The following COG5 variants were observed in gnomAD, a reference collection of about 807,000 sequenced individuals.
COG5 encodes conserved oligomeric Golgi complex subunit 5.
Under a neutral mutation model 110.4 loss-of-function variants are expected in COG5, and 86 were observed. That is an observed-to-expected ratio of 0.78 (90% CI 0.65 to 0.93). COG5 has a LOEUF of 0.93. Among genes scored for constraint, COG5 ranks in the 40% least tolerant of loss-of-function variants. COG5 has a pLI of 0.00. For synonymous variants in COG5, 360 were observed against 334.6 expected (o/e 1.08, Z -0.83); for missense variants, 1,077 against 987.0 (o/e 1.09, Z -1.22).
intron 16 of COG5, among the ~76,000 whole-genome samples, chr7:107,255,212 T>G (rs963615246): frequency 2.0e-5 from 3 of 152,178 alleles, no homozygotes; most frequent in African/African-American, 7.2e-5. Flanking sequence ...ACTTTAAGAT[T>G]TGTCATATTG....
Position 107,298,473 on chromosome 7 carries a change from C to A in COG5, c.1109-127G>T, listed in dbSNP as rs1239910276. 5 of 599,784 alleles carry A rather than the reference C, an allele frequency of 8.3e-6. No homozygotes were observed. The African/African-American group carries it at 9.2e-5, about 11-fold the overall frequency. The allele number at this position is 599,784 out of a possible 1,614,324, so 37.2% of individuals were successfully genotyped here. A position where few individuals can be genotyped will look rare whatever the true frequency, so the allele number is the denominator to read the frequency against. On this transcript the variant is annotated intron_variant, in intron 11 of 21. Transcript: ENST00000297135. ...AAACCAAAGACGTGTTCTAATGAGG[C>A]CTTTTATAATAATGCTAATAATAAT...
At chr7:107,229,592 T>C (rs1431605576) in intron 19 of COG5, among the ~76,000 whole-genome samples, 1 of 152,216 alleles carries the variant, frequency 6.6e-6, no homozygotes, top group African/African-American at 2.4e-5. Context: ...CTCAATGTTA[T>C]TCAACGTTCC....
intron 6 of COG5, among the ~76,000 whole-genome samples, chr7:107,492,168 AGTGTGTGTGTGTGTGTGTGTGTGT>A (rs61526384): frequency 1.4e-5 from 2 of 141,638 alleles, no homozygotes; most frequent in African/African-American, 5.2e-5. Context: ...AACAATGGGT[AGTGTGTGTGTGTGTGTGTGTGTGT>A]GTGTGTGTGT....
chr7:107,213,669 A>C (rs188121620), intron 19 of COG5, among the ~76,000 whole-genome samples: 10 of 152,362 alleles, frequency 6.6e-5, no homozygotes, highest in Admixed American at 2.0e-4. Context: ...GCAAAGGCAG[A>C]GACCCAGCCA....
intron 8 of COG5, among the ~76,000 whole-genome samples, chr7:107,369,384 CTTTTTT>C (rs567770114): frequency 0.013 from 1,294 of 103,216 alleles, 23 homozygotes; most frequent in African/African-American, 0.051. Context: ...AACAAAAATT[CTTTTTT>C]TTTTTTTTTT....
chr7:107,269,393 T>C (rs1240106842), intron 14 of COG5, among the ~76,000 whole-genome samples: 1 of 150,778 alleles, frequency 6.6e-6, no homozygotes, highest in Non-Finnish European at 1.5e-5. Context: ...GAGAATGGCA[T>C]GAACCTGGGA....
intron 6 of COG5, among the ~76,000 whole-genome samples, chr7:107,488,997 G>A (rs1276868003): frequency 6.6e-6 from 1 of 152,024 alleles, no homozygotes; most frequent in Admixed American, 6.6e-5. Context: ...ACCAAACATT[G>A]TGATTTTTCC....
At chr7:107,295,659 C>T (rs755576414) in intron 12 of COG5, among the ~76,000 whole-genome samples, 27 of 152,170 alleles carry the variant, frequency 1.8e-4, no homozygotes, top group Non-Finnish European at 3.5e-4. Flanking sequence ...TCGAATATGG[C>T]CTCCTATATC....
At chr7:107,379,166 A>G (rs1814887425) in intron 7 of COG5, among the ~76,000 whole-genome samples, 1 of 152,204 alleles carries the variant, frequency 6.6e-6, no homozygotes, top group African/African-American at 2.4e-5. Context: ...ATATCCAGCC[A>G]AACTAAGCTT....
At chr7:107,225,320 T>C (rs1800256876) in intron 19 of COG5, among the ~76,000 whole-genome samples, 1 of 152,086 alleles carries the variant, frequency 6.6e-6, no homozygotes. Context: ...TCCATGGTTA[T>C]TTTCAAATGG....
rs910974684 is a variant in COG5 at position 107,478,139 on chromosome 7, C to T, written c.538+49098G>A. On this transcript the variant is annotated intron_variant, in intron 6 of 21. Transcript: ENST00000297135. ...TAGTAGCCCTTAGTAGGGCTTATTC[C>T]GCATAGTATTTTAAATACCAACCAA... Among the ~76,000 whole-genome samples the T allele has an allele frequency of 5.3e-5, 8 of 151,904 alleles. No homozygotes were observed. In the South Asian group the frequency reaches 6.2e-4, roughly 12 times the overall value.
At chr7:107,546,110 A>T (rs1024574743) in intron 5 of COG5, among the ~76,000 whole-genome samples, 6 of 152,180 alleles carry the variant, frequency 3.9e-5, no homozygotes, top group African/African-American at 7.2e-5. Flanking sequence ...AAAATAAACA[A>T]CATGCTTATG....
chr7:107,269,218 G>A (rs1471009428), intron 14 of COG5, among the ~76,000 whole-genome samples: 2 of 152,138 alleles, frequency 1.3e-5, no homozygotes. Context: ...GCTCACGCCT[G>A]TAATCCCAGC....
At chr7:107,335,347 ACC>A in intron 10 of COG5, among the ~76,000 whole-genome samples, 1 of 152,106 alleles carries the variant, frequency 6.6e-6, no homozygotes, top group Non-Finnish European at 1.5e-5. Flanking sequence ...CTGACATCGC[ACC>A]ACTGCACTCC....
chr7:107,223,502 A>G (rs1458202774), intron 19 of COG5, among the ~76,000 whole-genome samples: 2 of 152,206 alleles, frequency 1.3e-5, no homozygotes, highest in Non-Finnish European at 2.9e-5. Context: ...GACATTCTCT[A>G]AGAATAAAAG....
At chr7:107,499,778 C>T (rs962404940) in intron 6 of COG5, among the ~76,000 whole-genome samples, 3 of 152,092 alleles carry the variant, frequency 2.0e-5, no homozygotes, top group East Asian at 1.9e-4. Context: ...TGCAAATAGG[C>T]GAATAGTGTA....
intron 16 of COG5, among the ~76,000 whole-genome samples, chr7:107,250,074 G>A (rs1184703391): frequency 6.6e-6 from 1 of 152,060 alleles, no homozygotes; most frequent in Non-Finnish European, 1.5e-5. Context: ...TTAAGCAATA[G>A]ACAAAATGTG....
At chr7:107,397,309 C>G (rs1791086709) in intron 7 of COG5, among the ~76,000 whole-genome samples, 1 of 152,230 alleles carries the variant, frequency 6.6e-6, no homozygotes, top group East Asian at 1.9e-4. Context: ...ATCTTGTGAC[C>G]ATGATGGGAC....
In COG5 at chr7:107,558,041, T is replaced by C. The variant is rs775872421; in HGVS notation, c.169A>G (p.Ile57Val). 1 of 1,613,914 alleles carries C rather than the reference T, an allele frequency of 6.2e-7. No individual in the cohort carries two copies. The highest frequency in any genetic ancestry group is 8.5e-7 in the Non-Finnish European group (1 of 1,179,842). Residue 57 changes from isoleucine (I) to valine (V), a missense_variant, in exon 2 of 22, where the codon ATT becomes GTT. Coordinates refer to ENST00000297135, the MANE Select transcript of COG5 (RefSeq NM_006348.5). ...GCAAGTTTTGCTAGTTGTTCAGCAA[T>C]TACAGCTTGATGAATAGATTGAGAA... ...YTSQSIHQAV[I>V]AEQLAKLAQG... is the part of the protein sequence containing the mutation.
Sources: allele counts gnomAD v4.1 joint callset (sites outside exome capture counted in the v4.1 genomes callset), GRCh38; gene constraint gnomAD v4.1.1; transcripts MANE v1.5; gene names NCBI Gene and HGNC (gene_info 2026-07-23, HGNC 2026-07-21).